The following HPSE2 variants were observed in gnomAD, a reference collection of about 807,000 sequenced individuals.
The protein encoded by HPSE2 is inactive heparanase-2.
In HPSE2, 38 loss-of-function variants were observed where a neutral mutation model predicts 60.5. That is an observed-to-expected ratio of 0.63 (90% CI 0.48 to 0.82). The LOEUF (loss-of-function observed/expected upper bound fraction) is 0.82. Among genes scored for constraint, HPSE2 ranks in the 40% least tolerant of loss-of-function variants. HPSE2 has a pLI of 0.00. For missense variants in HPSE2, 713 were observed against 740.4 expected, an observed-to-expected ratio of 0.96 and a Z score of 0.43; for synonymous variants, 295 against 293.2, an observed-to-expected ratio of 1.01 and a Z score of -0.06.
intron 9 of HPSE2, among the ~76,000 whole-genome samples, chr10:98,529,791 C>A (rs957688225): frequency 6.6e-6 from 1 of 152,210 alleles, no homozygotes; most frequent in Non-Finnish European, 1.5e-5. Flanking sequence ...TTTTCTCCTG[C>A]ACAAATTGGA....
intron 3 of HPSE2, among the ~76,000 whole-genome samples, chr10:98,973,962 G>A (rs893191683): frequency 5.3e-5 from 8 of 152,046 alleles, no homozygotes; most frequent in African/African-American, 1.9e-4. Context: ...ACAAAAGAGG[G>A]GTTTAAAATA....
chr10:98,606,057 T>G (rs1008950648), intron 9 of HPSE2, among the ~76,000 whole-genome samples: 1 of 152,222 alleles, frequency 6.6e-6, no homozygotes, highest in African/African-American at 2.4e-5. Flanking sequence ...GTTAGTTTAC[T>G]TGTTTATTTT....
intron 9 of HPSE2, among the ~76,000 whole-genome samples, chr10:98,551,804 C>T (rs1315579588): frequency 6.6e-6 from 1 of 152,056 alleles, no homozygotes; most frequent in Non-Finnish European, 1.5e-5. Flanking sequence ...CCAAAGTATC[C>T]TAATTGATAC....
At chr10:98,734,138 T>C (rs531677327) in intron 4 of HPSE2, among the ~76,000 whole-genome samples, 1 of 152,334 alleles carries the variant, frequency 6.6e-6, no homozygotes, top group African/African-American at 2.4e-5. Flanking sequence ...GATTCTTTCA[T>C]TCAGCATAAT....
intron 6 of HPSE2, among the ~76,000 whole-genome samples, chr10:98,645,711 G>T (rs1329591603): frequency 2.0e-5 from 3 of 152,172 alleles, no homozygotes; most frequent in Non-Finnish European, 4.4e-5. Context: ...AGGCGTGGTG[G>T]CTCAAGCCTG....
intron 11 of HPSE2, among the ~76,000 whole-genome samples, chr10:98,469,874 G>C (rs1940703584): frequency 6.6e-6 from 1 of 152,226 alleles, no homozygotes; most frequent in Non-Finnish European, 1.5e-5. Flanking sequence ...CTTCAGCCCT[G>C]AGACTTTTCA....
intron 6 of HPSE2, among the ~76,000 whole-genome samples, chr10:98,662,378 A>C (rs765197333): frequency 2.0e-5 from 3 of 152,234 alleles, no homozygotes; most frequent in Non-Finnish European, 4.4e-5. Context: ...TGAAGCCATA[A>C]AAAAGAATGA....
chr10:99,066,276 G>A (rs1253346073), intron 3 of HPSE2, among the ~76,000 whole-genome samples: 1 of 152,082 alleles, frequency 6.6e-6, no homozygotes, highest in African/African-American at 2.4e-5. Flanking sequence ...AATACTTAGA[G>A]GGACATTTAT....
At chr10:99,114,331 T>C (rs540748377) in intron 3 of HPSE2, among the ~76,000 whole-genome samples, 1 of 152,242 alleles carries the variant, frequency 6.6e-6, no homozygotes, top group Non-Finnish European at 1.5e-5. Flanking sequence ...AATTCCTTTT[T>C]ATTCAATGAG....
chr10:98,994,653 G>C (rs1247640167), intron 3 of HPSE2, among the ~76,000 whole-genome samples: 1 of 152,180 alleles, frequency 6.6e-6, no homozygotes, highest in Admixed American at 6.5e-5. Context: ...CTCAGACCAA[G>C]AGTGAGGCAC....
At chr10:98,755,715 T>C (rs1240197707) in intron 3 of HPSE2, among the ~76,000 whole-genome samples, 1 of 152,182 alleles carries the variant, frequency 6.6e-6, no homozygotes, top group Non-Finnish European at 1.5e-5. Context: ...ACAGATCTCT[T>C]GGCTGGGTGT....
At chr10:99,052,198 T>C (rs1056953486) in intron 3 of HPSE2, among the ~76,000 whole-genome samples, 1 of 150,538 alleles carries the variant, frequency 6.6e-6, no homozygotes, top group Admixed American at 6.6e-5. Context: ...TCATGATGAA[T>C]GAAAAGATGG....
At chr10:98,980,176 C>A (rs996246052) in intron 3 of HPSE2, among the ~76,000 whole-genome samples, 2 of 152,188 alleles carry the variant, frequency 1.3e-5, no homozygotes, top group Non-Finnish European at 2.9e-5. Context: ...CAACTCTTAA[C>A]ATTTTTTAGC....
At chr10:98,557,370 T>C (rs1418018811) in intron 9 of HPSE2, among the ~76,000 whole-genome samples, 2 of 152,180 alleles carry the variant, frequency 1.3e-5, no homozygotes, top group Admixed American at 6.5e-5. Flanking sequence ...TGCAGTATAC[T>C]GAGGAAAGGA....
intron 3 of HPSE2, among the ~76,000 whole-genome samples, chr10:98,762,151 GTC>G (rs1950020069): frequency 6.6e-6 from 1 of 151,732 alleles, no homozygotes; most frequent in Non-Finnish European, 1.5e-5. Context: ...AAAGGGACTT[GTC>G]TCTCTGCACA....
At chr10:98,858,874 G>C (rs1952381709) in intron 3 of HPSE2, among the ~76,000 whole-genome samples, 1 of 152,162 alleles carries the variant, frequency 6.6e-6, no homozygotes, top group Admixed American at 6.5e-5. Context: ...TTACAAATCA[G>C]AAATCAGCAC....
chr10:99,286,606 T>C, the HPSE2 span, among the ~76,000 whole-genome samples: 148 of 152,282 alleles, frequency 9.7e-4, 2 homozygotes, highest in African/African-American at 3.3e-3. Context: ...GTTTTGGAAA[T>C]AATGGTGATG....
At chr10:98,949,353 T>C (rs1431596213) in intron 3 of HPSE2, among the ~76,000 whole-genome samples, 2 of 152,044 alleles carry the variant, frequency 1.3e-5, no homozygotes, top group Non-Finnish European at 2.9e-5. Flanking sequence ...TAACCCAAGG[T>C]GGGCCAATCA....
chr10:98,711,341 C>T (rs1160621509), intron 5 of HPSE2, among the ~76,000 whole-genome samples: 1 of 152,142 alleles, frequency 6.6e-6, no homozygotes, highest in African/African-American at 2.4e-5. Flanking sequence ...TCTTTTGGAG[C>T]TCAAGCCCTG....
Sources: gnomAD v4.1 joint callset for allele counts (sites outside exome capture counted in the v4.1 genomes callset) on GRCh38, gnomAD v4.1.1 for gene constraint, MANE v1.5 for transcripts, NCBI Gene and HGNC (gene_info 2026-07-23, HGNC 2026-07-21) for gene names.